The following DISC1 variants were observed in gnomAD, a reference collection of about 807,000 sequenced individuals.
DISC1 encodes disrupted in schizophrenia 1 protein.
DISC1 carries 57 observed loss-of-function variants against 84.5 expected under a neutral mutation model. The observed-to-expected ratio is 0.67, with a 90% CI of 0.55 to 0.84. The LOEUF (loss-of-function observed/expected upper bound fraction) is 0.84, where lower values mean the gene tolerates loss of function less well. Ranked by LOEUF, DISC1 falls within the 40% of genes least tolerant of loss-of-function variation. The pLI, the probability that DISC1 is intolerant of heterozygous loss-of-function variation, is 0.00. For synonymous variants in DISC1, 411 were observed against 415.2 expected (o/e 0.99, Z 0.12); for missense variants, 1,000 against 1,057.8 (o/e 0.95, Z 0.76).
chr1:232,013,600 AC>A (rs1668223728), intron 11 of DISC1, among the ~76,000 whole-genome samples: 4 of 152,174 alleles, frequency 2.6e-5, no homozygotes, highest in Admixed American at 2.6e-4. Context: ...CCCAGGAAAA[AC>A]TATTTTTATG....
chr1:231,933,345 T>C (rs2090786032), intron 9 of DISC1, among the ~76,000 whole-genome samples: 1 of 152,192 alleles, frequency 6.6e-6, no homozygotes, highest in African/African-American at 2.4e-5. Context: ...AAGAGGAGCT[T>C]TGGGTTTTTG....
intron 10 of DISC1, among the ~76,000 whole-genome samples, chr1:231,993,989 G>T (rs956396583): frequency 5.9e-5 from 9 of 152,162 alleles, no homozygotes; most frequent in African/African-American, 1.9e-4. Flanking sequence ...ATCTGAGGCT[G>T]GTTGGCTTAT....
intron 7 of DISC1, among the ~76,000 whole-genome samples, chr1:231,796,226 A>G (rs1053114684): frequency 6.6e-6 from 1 of 152,170 alleles, no homozygotes; most frequent in Non-Finnish European, 1.5e-5. Flanking sequence ...CAAGTTATTG[A>G]CAGACTGAGA....
chr1:232,023,074 A>G (rs1249503682), intron 11 of DISC1, among the ~76,000 whole-genome samples: 1 of 143,746 alleles, frequency 7.0e-6, no homozygotes, highest in Non-Finnish European at 1.5e-5. Context: ...CTTTTTCATT[A>G]TGGTTTGAAT....
chr1:231,988,822 T>C (rs932510525), intron 10 of DISC1, among the ~76,000 whole-genome samples: 1 of 152,230 alleles, frequency 6.6e-6, no homozygotes, highest in Non-Finnish European at 1.5e-5. Context: ...GTATATAATT[T>C]CAATGGTGCA....
At chr1:231,848,089 T>A (rs149766487) in intron 9 of DISC1, among the ~76,000 whole-genome samples, 1 of 152,270 alleles carries the variant, frequency 6.6e-6, no homozygotes, top group Non-Finnish European at 1.5e-5. Flanking sequence ...ACAGGGCTGG[T>A]CTGACTCCAG....
chr1:231,763,587 G>A (rs1017337947), intron 4 of DISC1, among the ~76,000 whole-genome samples: 2 of 152,184 alleles, frequency 1.3e-5, no homozygotes, highest in Non-Finnish European at 1.5e-5. Flanking sequence ...AAACTGAGGT[G>A]ACATATTTTC....
At chr1:231,695,910 C>T (rs568465752) in intron 2 of DISC1, among the ~76,000 whole-genome samples, 1 of 152,242 alleles carries the variant, frequency 6.6e-6, no homozygotes, top group African/African-American at 2.4e-5. Flanking sequence ...GACCTCAGCC[C>T]AGCCCTCTGA....
At chr1:231,778,082 C>T (rs1334598276) in intron 6 of DISC1, among the ~76,000 whole-genome samples, 1 of 152,160 alleles carries the variant, frequency 6.6e-6, no homozygotes, top group Admixed American at 6.5e-5. Flanking sequence ...GGATGTCCCT[C>T]CAGGCCAGGG....
intron 6 of DISC1, among the ~76,000 whole-genome samples, chr1:231,779,654 G>A (rs1415969931): frequency 6.7e-6 from 1 of 149,528 alleles, no homozygotes; most frequent in Non-Finnish European, 1.5e-5. Context: ...CCACTTCCCG[G>A]GTTCACGCCA....
intron 10 of DISC1, among the ~76,000 whole-genome samples, chr1:232,006,123 C>T (rs1667407093): frequency 1.3e-5 from 2 of 152,164 alleles, no homozygotes; most frequent in Admixed American, 1.3e-4. Flanking sequence ...TGGTTTATAT[C>T]ATCCCTTCCC....
intron 9 of DISC1, among the ~76,000 whole-genome samples, chr1:231,831,913 C>G (rs953376656): frequency 1.3e-5 from 2 of 151,816 alleles, no homozygotes; most frequent in Non-Finnish European, 2.9e-5. Flanking sequence ...GCATAGCCTG[C>G]CTTTGCTGGT....
chr1:231,932,243 T>C (rs2090711534), intron 9 of DISC1, among the ~76,000 whole-genome samples: 2 of 152,152 alleles, frequency 1.3e-5, no homozygotes, highest in South Asian at 4.1e-4. Flanking sequence ...ACCACCTGAT[T>C]TAGTGGTAAG....
chr1:231,709,626 G>A (rs2067550863), intron 3 of DISC1, among the ~76,000 whole-genome samples: 1 of 152,056 alleles, frequency 6.6e-6, no homozygotes, highest in South Asian at 2.1e-4. Context: ...AACTCTGACA[G>A]CTTCAAGGTT....
intron 11 of DISC1, among the ~76,000 whole-genome samples, chr1:232,022,305 A>G (rs985189151): frequency 1.4e-4 from 20 of 147,082 alleles, no homozygotes; most frequent in African/African-American, 5.1e-4. Context: ...GCTGATACCC[A>G]TGGTTCTTTT....
At chr1:231,833,147 G>A (rs961109348) in intron 9 of DISC1, among the ~76,000 whole-genome samples, 1 of 150,490 alleles carries the variant, frequency 6.6e-6, no homozygotes, top group African/African-American at 2.5e-5. Context: ...GAATAGTCAG[G>A]GAAGCAGATA....
At position 231,742,143 on chromosome 1, in the gene DISC1, C is replaced by T. The variant is rs187540829; in HGVS notation, c.1118-7783C>T. Among the ~76,000 whole-genome samples the T allele has an allele frequency of 4.6e-5, 7 of 152,332 alleles. No individual in the cohort carries two copies. In the East Asian group the frequency reaches 1.4e-3, roughly 29 times the overall value. On this transcript the variant is annotated intron_variant, in intron 3 of 12. Coordinates refer to ENST00000439617, the MANE Select transcript of DISC1 (RefSeq NM_018662.3). ...CCCTCTCTCCCTCATCTACTACTTTCCCCTTGGTTCACCCTACTAGGAGTG... is the reference window on the plus strand; with the variant it reads ...CCCTCTCTCCCTCATCTACTACTTTTCCCTTGGTTCACCCTACTAGGAGTG...
intron 1 of DISC1, among the ~76,000 whole-genome samples, chr1:231,648,128 G>A (rs1162914112): frequency 6.6e-6 from 1 of 152,218 alleles, no homozygotes; most frequent in Non-Finnish European, 1.5e-5. Context: ...GGGCATCCCT[G>A]TCTTATGCCA....
intron 10 of DISC1, among the ~76,000 whole-genome samples, chr1:231,996,168 G>A (rs183156447): frequency 0.052 from 7,871 of 152,170 alleles, 285 homozygotes; most frequent in Non-Finnish European, 0.078. Flanking sequence ...CATATCCTTC[G>A]TCCACTTTTT....
Sources: allele counts gnomAD v4.1 joint callset (sites outside exome capture counted in the v4.1 genomes callset), GRCh38; gene constraint gnomAD v4.1.1; transcripts MANE v1.5; gene names NCBI Gene and HGNC (gene_info 2026-07-23, HGNC 2026-07-21).